Variants in STEAP4 observed in about 807,000 individuals in gnomAD.
STEAP4 encodes the protein metalloreductase STEAP4.
A neutral mutation model predicts 43.6 loss-of-function variants in STEAP4; 36 were observed. The observed-to-expected ratio is 0.83, with a 90% CI of 0.63 to 1.09. The LOEUF is 1.09. STEAP4 is among the 50% of genes least tolerant of loss of function. The pLI, the probability that STEAP4 is intolerant of heterozygous loss-of-function variation, is 0.00. For synonymous variants in STEAP4, 191 were observed against 196.7 expected (o/e 0.97, Z 0.24); for missense variants, 495 against 546.5 (o/e 0.91, Z 0.94).
At position 88,276,489 on chromosome 7, in the gene STEAP4, G is replaced by A. The variant is rs1159516941; in HGVS notation, c.*2909C>T. ...TAAAAGCCATCATCCCTTAACATGG[G>A]GAAAGTGTACAAAAATAATGTGAAA... On this transcript the variant is annotated 3_prime_UTR_variant, in exon 5 of 5. Transcript: ENST00000380079. 2 of 152,048 alleles carry A rather than the reference G, an allele frequency of 1.3e-5. No homozygotes were observed. Among genetic ancestry groups the A allele is most frequent in the Non-Finnish European group, 2.9e-5 (2 of 68,010 alleles). 9.4% of individuals were successfully genotyped at this position (152,048 alleles called of 1,614,324 possible). A position where few individuals can be genotyped will look rare whatever the true frequency, so the allele number is the denominator to read the frequency against.
intron 4 of STEAP4, among the ~76,000 whole-genome samples, chr7:88,280,374 A>T (rs1408688191): frequency 6.6e-6 from 1 of 152,210 alleles, no homozygotes; most frequent in African/African-American, 2.4e-5. Flanking sequence ...TGTGTATCTA[A>T]CAAGTTTCCA....
rs955102503 is a variant in STEAP4 at position 88,277,009 on chromosome 7, C to T, written c.*2389G>A. 1.3e-5 allele frequency: 2 copies of T among 152,076 alleles called. No homozygotes were observed. Among genetic ancestry groups the T allele is most frequent in the Non-Finnish European group, 2.9e-5 (2 of 68,028 alleles). The allele number at this position is 152,076 out of a possible 1,614,324, so 9.4% of individuals were successfully genotyped here. On this transcript the variant is annotated 3_prime_UTR_variant, in exon 5 of 5. Transcript: ENST00000380079. Reference sequence around the variant, plus strand: ...TCTATTTTCGGTGACGGACTATGAGCCAGGATAAACACATTACTCTCTTCT... The same window carrying T: ...TCTATTTTCGGTGACGGACTATGAGTCAGGATAAACACATTACTCTCTTCT...
intron 1 of STEAP4, among the ~76,000 whole-genome samples, chr7:88,300,204 G>A (rs1853007313): frequency 6.6e-6 from 1 of 152,062 alleles, no homozygotes; most frequent in East Asian, 1.9e-4. Flanking sequence ...TAGTTTCAAG[G>A]TTTTTATTTT....
chr7:88,303,742 C>A (rs1345406626), intron 1 of STEAP4, among the ~76,000 whole-genome samples: 1 of 152,174 alleles, frequency 6.6e-6, no homozygotes, highest in East Asian at 1.9e-4. Flanking sequence ...CACAAGGATT[C>A]ATTGTTTTCT....
intron 1 of STEAP4, chr7:88,304,077 T>A (rs897636588): frequency 6.6e-6 from 1 of 151,950 alleles, no homozygotes; most frequent in African/African-American, 2.4e-5. Context: ...CAGTAAACTA[T>A]CGCAAGAACA....
At chr7:88,287,088 G>A (rs1195589463) in intron 1 of STEAP4, among the ~76,000 whole-genome samples, 1 of 152,078 alleles carries the variant, frequency 6.6e-6, no homozygotes, top group Non-Finnish European at 1.5e-5. Context: ...AGAAGGAAGG[G>A]GCTGTTGGTA....
chr7:88,285,756 C>CAAAAAAAAA (rs371254467), intron 1 of STEAP4, among the ~76,000 whole-genome samples: 3 of 78,338 alleles, frequency 3.8e-5, no homozygotes, highest in African/African-American at 1.0e-4. Flanking sequence ...GACTTTGTCT[C>CAAAAAAAAA]AAAAAAAAAA....
At chr7:88,303,208 A>T (rs201645299) in intron 1 of STEAP4, among the ~76,000 whole-genome samples, 11 of 144,776 alleles carry the variant, frequency 7.6e-5, no homozygotes, top group Admixed American at 1.4e-4. Context: ...AAAAAAAAAA[A>T]ACTCCAACCG....
At chr7:88,298,268 A>G (rs1563503768) in intron 1 of STEAP4, 3 of 152,100 alleles carry the variant, frequency 2.0e-5, no homozygotes, top group African/African-American at 7.2e-5. Flanking sequence ...GCTTTTATAT[A>G]TTTGTAGCTC....
In STEAP4 at chr7:88,278,433, C is replaced by G. The variant is rs1310891337; in HGVS notation, c.*965G>C. Reference sequence around the variant, plus strand: ...TAATAGACTAAGACAGATATAGAAGCTACTTATTTACACTAGAAATTAATT... The same window carrying G: ...TAATAGACTAAGACAGATATAGAAGGTACTTATTTACACTAGAAATTAATT... On this transcript the variant is annotated 3_prime_UTR_variant, in exon 5 of 5. Transcript: ENST00000380079. 2.6e-5 allele frequency: 4 copies of G among 152,098 alleles called. No individual in the cohort carries two copies. Among genetic ancestry groups the G allele is most frequent in the African/African-American group, 9.7e-5 (4 of 41,418 alleles). The allele number at this position is 152,098 out of a possible 1,614,324, so 9.4% of individuals were successfully genotyped here. A position where few individuals can be genotyped will look rare whatever the true frequency, so the allele number is the denominator to read the frequency against.
At position 88,279,436 on chromosome 7, in the gene STEAP4, T is replaced by C. The variant is rs756989439; in HGVS notation, c.1342A>G (p.Arg448Gly). 1.2e-6 allele frequency: 2 copies of C among 1,614,034 alleles called. No homozygotes were observed. The highest frequency in any genetic ancestry group is 1.7e-6 in the Non-Finnish European group (2 of 1,180,014). ...TTCCTTTCCCAGCCCTGGCGGATCC[T>C]TGTAAGGGTGTTGTCTACACATGGC... ...IMPCVDNTLT[R>G]IRQGWERNSK... The change falls in exon 5 of 5, where the codon AGG becomes GGG. Residue 448 changes from arginine to glycine, a missense_variant. By Grantham distance (125) the Arg-to-Gly change is moderately radical. Transcript: ENST00000380079.
chr7:88,276,288 A>C lies in STEAP4; in HGVS notation c.*3110T>G, dbSNP rs555821947. On this transcript the variant is annotated 3_prime_UTR_variant, in exon 5 of 5. Coordinates refer to ENST00000380079, the MANE Select transcript of STEAP4 (RefSeq NM_024636.4). The stretch of plus-strand genomic sequence containing the variant: ...GATCTGTTAATGCACTTTCAAACCC[A>C]TGCACTGCCTTCTCTTTTGCTTATC... 1.3e-5 allele frequency: 2 copies of C among 152,164 alleles called. No homozygotes were observed. The highest frequency in any genetic ancestry group is 2.9e-5 in the Non-Finnish European group (2 of 68,040). The allele number at this position is 152,164 out of a possible 1,614,324, so 9.4% of individuals were successfully genotyped here.
At chr7:88,296,276 T>C (rs1852922428) in intron 1 of STEAP4, among the ~76,000 whole-genome samples, 1 of 152,200 alleles carries the variant, frequency 6.6e-6, no homozygotes, top group Non-Finnish European at 1.5e-5. Context: ...AATTCAGCTT[T>C]GAATTCTGAA....
At chr7:88,304,712 AT>A (rs1028088380) in intron 1 of STEAP4, among the ~76,000 whole-genome samples, 1 of 151,974 alleles carries the variant, frequency 6.6e-6, no homozygotes, top group Non-Finnish European at 1.5e-5. Context: ...CAAAAAAAAA[AT>A]GATTTTTAAG....
At chr7:88,305,084 A>G (rs142910710) in intron 1 of STEAP4, among the ~76,000 whole-genome samples, 83 of 152,320 alleles carry the variant, frequency 5.4e-4, no homozygotes, top group African/African-American at 1.9e-3. Flanking sequence ...GAGCTTTAGT[A>G]AGGCAGAAGT....
At chr7:88,303,789 T>G (rs919110012) in intron 1 of STEAP4, among the ~76,000 whole-genome samples, 4 of 152,254 alleles carry the variant, frequency 2.6e-5, no homozygotes. Flanking sequence ...ATTGTTAATC[T>G]ATGTAGGCCA....
chr7:88,304,198 G>T (rs1433289136), intron 1 of STEAP4: 1 of 152,206 alleles, frequency 6.6e-6, no homozygotes, highest in Non-Finnish European at 1.5e-5. Context: ...GATGGGGGGA[G>T]TGGGGAGGGA....
chr7:88,281,650 A>T (rs992753141), intron 3 of STEAP4: 1 of 152,222 alleles, frequency 6.6e-6, no homozygotes, highest in Non-Finnish European at 1.5e-5. Flanking sequence ...ACTAACTAAT[A>T]ATTTTTGAGA....
intron 1 of STEAP4, among the ~76,000 whole-genome samples, chr7:88,284,768 A>G (rs1404431451): frequency 1.3e-5 from 2 of 152,174 alleles, no homozygotes; most frequent in African/African-American, 4.8e-5. Flanking sequence ...TTAATTTTAT[A>G]TTAAAAGATT....
Sources: allele counts gnomAD v4.1 joint callset (sites outside exome capture counted in the v4.1 genomes callset), GRCh38; gene constraint gnomAD v4.1.1; transcripts MANE v1.5; gene names NCBI Gene and HGNC (gene_info 2026-07-23, HGNC 2026-07-21).